The following PDE11A variants were observed in gnomAD, a reference collection of about 807,000 sequenced individuals.
The protein encoded by PDE11A is phosphodiesterase 11A.
In PDE11A, 100 loss-of-function variants were observed where a neutral mutation model predicts 100.5. That is an observed-to-expected ratio of 1.00 (90% CI 0.85 to 1.18). The LOEUF is 1.18. PDE11A is among the 50% of genes most tolerant of loss of function. The pLI is 0.00. For synonymous variants in PDE11A, 381 were observed against 420.8 expected, an observed-to-expected ratio of 0.91 and a Z score of 1.16; for missense variants, 1,141 against 1,152.6, an observed-to-expected ratio of 0.99 and a Z score of 0.15.
chr2:178,071,476 T>C (rs760845570), intron 1 of PDE11A, 50 bp downstream of exon 1: 1 of 1,611,608 alleles, frequency 6.2e-7, no homozygotes, highest in Non-Finnish European at 8.5e-7. Flanking sequence ...CGAAGGCTTA[T>C]CTCCCAAGCC....
chr2:177,779,307 A>G (rs2082420727), intron 9 of PDE11A, among the ~76,000 whole-genome samples: 1 of 152,224 alleles, frequency 6.6e-6, no homozygotes, highest in South Asian at 2.1e-4. Flanking sequence ...GGCTGCTGAT[A>G]GATCAGTGCG....
At chr2:178,084,315 G>C (rs538458293) in intron 2 of PDE11A, among the ~76,000 whole-genome samples, 41 of 152,318 alleles carry the variant, frequency 2.7e-4, no homozygotes, top group African/African-American at 9.1e-4. Flanking sequence ...GTAGCTCAGT[G>C]AGGTTCTTGG....
chr2:177,846,254 C>T (rs1396358854), intron 5 of PDE11A, among the ~76,000 whole-genome samples: 3 of 152,122 alleles, frequency 2.0e-5, no homozygotes, highest in South Asian at 2.1e-4. Context: ...CTTAGGAAAA[C>T]TTCCTTGGTA....
intron 5 of PDE11A, among the ~76,000 whole-genome samples, chr2:177,874,954 T>C (rs895890335): frequency 6.6e-6 from 1 of 152,210 alleles, no homozygotes; most frequent in African/African-American, 2.4e-5. Flanking sequence ...CCGGGCACAG[T>C]GGTTCGCACC....
chr2:178,033,200 C>A (rs777821266), intron 1 of PDE11A, among the ~76,000 whole-genome samples: 1 of 152,138 alleles, frequency 6.6e-6, no homozygotes, highest in Non-Finnish European at 1.5e-5. Flanking sequence ...TAGAGAGGAA[C>A]ATAAATGACC....
chr2:177,676,392 T>C (rs1054899190), intron 16 of PDE11A, among the ~76,000 whole-genome samples: 1 of 152,250 alleles, frequency 6.6e-6, no homozygotes, highest in Non-Finnish European at 1.5e-5. Context: ...CTTGGCTAAC[T>C]GCTTTTGGAA....
intron 12 of PDE11A, 43 bp from the exon 13 acceptor site, chr2:177,711,921 G>A (rs749378872): frequency 8.2e-5 from 82 of 997,082 alleles, no homozygotes; most frequent in Middle Eastern, 4.1e-4. Context: ...ACTGGGGTAC[G>A]GAGGATGGAT....
intron 18 of PDE11A, among the ~76,000 whole-genome samples, chr2:177,668,155 T>C (rs976733877): frequency 2.0e-5 from 3 of 152,182 alleles, no homozygotes; most frequent in Admixed American, 6.5e-5. Context: ...GAAAATGCCT[T>C]ACCTGAGCCT....
intron 1 of PDE11A, among the ~76,000 whole-genome samples, chr2:178,024,938 T>C (rs552517193): frequency 1.3e-5 from 2 of 152,164 alleles, no homozygotes; most frequent in Admixed American, 1.3e-4. Context: ...ACTTTCTTCA[T>C]AGAAAGAAGA....
At chr2:177,994,664 T>C (rs1038566335) in intron 2 of PDE11A, among the ~76,000 whole-genome samples, 1 of 152,204 alleles carries the variant, frequency 6.6e-6, no homozygotes, top group African/African-American at 2.4e-5. Context: ...CAATGATCTG[T>C]GCATAATCTT....
At chr2:177,901,336 A>T (rs2084695147) in intron 3 of PDE11A, among the ~76,000 whole-genome samples, 1 of 151,900 alleles carries the variant, frequency 6.6e-6, no homozygotes, top group Non-Finnish European at 1.5e-5. Context: ...AGCATTCCCT[A>T]CTCACTGGCC....
chr2:178,071,984 C>T lies in PDE11A; in HGVS notation c.454G>A (p.Val152Ile). The change falls in exon 1 of 20, where the codon GTA becomes ATA. Residue 152 changes from valine (V) to isoleucine (I), a missense_variant. Val to Ile is a conservative substitution (Grantham distance 29). Coordinates refer to ENST00000286063, the MANE Select transcript of PDE11A (RefSeq NM_016953.4). ...TSRAQEPLSS[V>I]RRRALLRKAS... ...TTCCGGAGAAGTGCCCTCCGTCGTA[C>T]ACTACTCAGGGGTTCCTGAGCCCGG... 2 of 1,614,112 alleles carry T rather than the reference C, an allele frequency of 1.2e-6. No individual in the cohort carries two copies. Among genetic ancestry groups the T allele is most frequent in the Middle Eastern group, 1.6e-4 (1 of 6,062 alleles).
intron 2 of PDE11A, among the ~76,000 whole-genome samples, chr2:177,965,927 G>A (rs1023346391): frequency 3.9e-5 from 6 of 152,142 alleles, no homozygotes; most frequent in Admixed American, 1.3e-4. Flanking sequence ...GAATAGCATT[G>A]AATCTGTAAA....
At chr2:177,711,028 G>A (rs1020820562) in intron 13 of PDE11A, among the ~76,000 whole-genome samples, 22 of 152,174 alleles carry the variant, frequency 1.4e-4, no homozygotes, top group Non-Finnish European at 2.9e-4. Flanking sequence ...AAACATTAAC[G>A]GCAGACTCTC....
intron 9 of PDE11A, among the ~76,000 whole-genome samples, chr2:177,778,089 AAGAG>A (rs2082402903): frequency 6.6e-6 from 1 of 152,228 alleles, no homozygotes; most frequent in African/African-American, 2.4e-5. Flanking sequence ...GGACCCATGA[AAGAG>A]AGAGGAAAGA....
At chr2:177,672,926 T>C (rs2080704411) in intron 17 of PDE11A, among the ~76,000 whole-genome samples, 1 of 152,210 alleles carries the variant, frequency 6.6e-6, no homozygotes, top group Non-Finnish European at 1.5e-5. Context: ...ATGAATTAGG[T>C]AGTTTGCAGC....
chr2:177,957,757 TAAG>T (rs1271099947), intron 2 of PDE11A, among the ~76,000 whole-genome samples: 1 of 152,090 alleles, frequency 6.6e-6, no homozygotes, highest in African/African-American at 2.4e-5. Flanking sequence ...ATAAAAGTAA[TAAG>T]AATAATAAAC....
At chr2:177,663,409 A>T (rs2080513584) in intron 19 of PDE11A, among the ~76,000 whole-genome samples, 1 of 151,922 alleles carries the variant, frequency 6.6e-6, no homozygotes, top group Admixed American at 6.6e-5. Context: ...TGGAATCCTC[A>T]TTCCCACATT....
At chr2:177,998,818 G>T in intron 2 of PDE11A, 1 of 664,368 alleles carries the variant, frequency 1.5e-6, no homozygotes, top group South Asian at 1.8e-5. Flanking sequence ...CATCCTTGCC[G>T]GCACCACTGC....
Sources: gnomAD v4.1 joint callset for allele counts (sites outside exome capture counted in the v4.1 genomes callset) on GRCh38, gnomAD v4.1.1 for gene constraint, MANE v1.5 for transcripts, NCBI Gene and HGNC (gene_info 2026-07-23, HGNC 2026-07-21) for gene names.